Variants in PSD3 observed in about 807,000 individuals in gnomAD.
The protein encoded by PSD3 is PH and SEC7 domain-containing protein 3.
In PSD3, 49 loss-of-function variants were observed where a neutral mutation model predicts 105.5. That is an observed-to-expected ratio of 0.46 (90% CI 0.37 to 0.59). PSD3 has a LOEUF of 0.59. PSD3 is among the 20% of genes least tolerant of loss of function. The pLI, the probability that PSD3 is intolerant of heterozygous loss-of-function variation, is 0.00. For synonymous variants in PSD3, 557 were observed against 457.8 expected, an observed-to-expected ratio of 1.22 and a Z score of -2.77; for missense variants, 1,561 against 1,263.8, an observed-to-expected ratio of 1.24 and a Z score of -3.57.
intron 15 of PSD3, among the ~76,000 whole-genome samples, chr8:18,552,859 G>A (rs1186602337): frequency 1.3e-5 from 2 of 152,134 alleles, no homozygotes; most frequent in Admixed American, 6.5e-5. Context: ...TCAATGAAGA[G>A]AGCCCATTCT....
intron 4 of PSD3, among the ~76,000 whole-genome samples, chr8:18,864,446 A>G (rs1327649357): frequency 1.3e-5 from 2 of 152,380 alleles, no homozygotes; most frequent in Non-Finnish European, 2.9e-5. Context: ...AATTATGTTC[A>G]GAGACTAGCT....
rs554514209 is a variant in PSD3, at chr8:18,580,904, G to A, written c.2482-5619C>T. ...CACTAACGAGCCACCTACACCCGTC[G>A]CTCTTAACCATTCCATCAATCATCT... On this transcript the variant is annotated intron_variant, in intron 12 of 15. Transcript: ENST00000327040. 3.3e-5 allele frequency among the ~76,000 whole-genome samples: 5 copies of A among 152,236 alleles called. No homozygotes were observed. In the East Asian group the frequency reaches 7.7e-4, roughly 24 times the overall value.
chr8:19,081,012 T>C (rs1240175719), intron 1 of PSD3, among the ~76,000 whole-genome samples: 3 of 152,154 alleles, frequency 2.0e-5, no homozygotes, highest in African/African-American at 7.2e-5. Context: ...TTCCTTATCC[T>C]CTTATCTTTA....
At chr8:18,699,488 T>C (rs886687645) in intron 9 of PSD3, among the ~76,000 whole-genome samples, 7 of 152,202 alleles carry the variant, frequency 4.6e-5, no homozygotes, top group Admixed American at 1.3e-4. Context: ...CTTGAGCTTA[T>C]TTTCAGGTTG....
At chr8:18,849,214 A>G (rs554160211) in intron 4 of PSD3, 1 of 152,366 alleles carries the variant, frequency 6.6e-6, no homozygotes, top group South Asian at 2.1e-4. Context: ...TTCCACTTAC[A>G]TTGCAAATGA....
chr8:18,787,242 G>C (rs961595679), intron 8 of PSD3, among the ~76,000 whole-genome samples: 1 of 152,110 alleles, frequency 6.6e-6, no homozygotes, highest in African/African-American at 2.4e-5. Flanking sequence ...ATGTTGACCA[G>C]TTGCATGCCA....
intron 8 of PSD3, among the ~76,000 whole-genome samples, chr8:18,778,648 T>TA (rs1808318744): frequency 6.6e-6 from 1 of 151,950 alleles, no homozygotes; most frequent in African/African-American, 2.4e-5. Flanking sequence ...TGAGTTTTTT[T>TA]ATTATGAAGG....
intron 10 of PSD3, 72 bp downstream of exon 10, chr8:18,655,570 T>G (rs935663864): frequency 4.3e-6 from 6 of 1,382,062 alleles, no homozygotes. Flanking sequence ...CTAAGATCAC[T>G]TCCAAGGCAT....
At chr8:18,619,989 G>C (rs1299339863) in intron 11 of PSD3, among the ~76,000 whole-genome samples, 2 of 152,110 alleles carry the variant, frequency 1.3e-5, no homozygotes, top group Non-Finnish European at 2.9e-5. Flanking sequence ...CACCTCAAAA[G>C]TCTGAAAAGA....
chr8:18,928,697 T>A (rs1399644026), intron 2 of PSD3, among the ~76,000 whole-genome samples: 1 of 152,080 alleles, frequency 6.6e-6, no homozygotes, highest in Non-Finnish European at 1.5e-5. Context: ...TTTTTCTTTT[T>A]ATCTTTCTCT....
intron 12 of PSD3, among the ~76,000 whole-genome samples, chr8:18,576,923 A>C (rs1207126581): frequency 4.0e-5 from 6 of 151,760 alleles, no homozygotes; most frequent in Non-Finnish European, 7.4e-5. Flanking sequence ...TCCATGATTT[A>C]AGCTTTTATC....
intron 12 of PSD3, among the ~76,000 whole-genome samples, 168 bp downstream of exon 12, chr8:18,600,196 C>T (rs1409254008): frequency 6.6e-6 from 1 of 152,182 alleles, no homozygotes; most frequent in South Asian, 2.1e-4. Flanking sequence ...CAACTTAAAA[C>T]TTAAAATCGT....
intron 1 of PSD3, among the ~76,000 whole-genome samples, chr8:19,020,753 C>A (rs1827338067): frequency 6.6e-6 from 1 of 151,990 alleles, no homozygotes; most frequent in Non-Finnish European, 1.5e-5. Context: ...ATTGAGCTCA[C>A]AGAATTTGCT....
chr8:18,846,645 G>C (rs561544908), intron 4 of PSD3, among the ~76,000 whole-genome samples: 11 of 152,268 alleles, frequency 7.2e-5, no homozygotes, highest in African/African-American at 2.6e-4. Context: ...CAAACATCTT[G>C]TGGTAACCTG....
intron 9 of PSD3, among the ~76,000 whole-genome samples, chr8:18,751,285 G>A (rs1256153179): frequency 6.6e-6 from 1 of 152,206 alleles, no homozygotes; most frequent in Non-Finnish European, 1.5e-5. Flanking sequence ...GCTGGCCCGG[G>A]TGCTAAGCCC....
intron 1 of PSD3, among the ~76,000 whole-genome samples, chr8:19,043,958 C>A (rs780984989): frequency 5.6e-4 from 85 of 152,340 alleles, no homozygotes; most frequent in Non-Finnish European, 8.4e-4. Context: ...TTCTGCTCAA[C>A]AAGCTGCTGA....
At chr8:18,549,633 A>G (rs1472651267) in intron 15 of PSD3, among the ~76,000 whole-genome samples, 2 of 152,224 alleles carry the variant, frequency 1.3e-5, no homozygotes, top group Non-Finnish European at 2.9e-5. Context: ...AGACGACAAC[A>G]GAAAGCTCCC....
intron 15 of PSD3, among the ~76,000 whole-genome samples, chr8:18,543,895 A>G (rs564822716): frequency 6.6e-6 from 1 of 152,246 alleles, no homozygotes; most frequent in African/African-American, 2.4e-5. Flanking sequence ...TTATAGAATA[A>G]TATCTCCTTT....
intron 14 of PSD3, among the ~76,000 whole-genome samples, chr8:18,565,662 C>T (rs2130256480): frequency 6.6e-6 from 1 of 152,240 alleles, no homozygotes; most frequent in Non-Finnish European, 1.5e-5. Context: ...CATTTTTATA[C>T]CTGTATTTTG....
Sources: gnomAD v4.1 joint callset for allele counts (sites outside exome capture counted in the v4.1 genomes callset) on GRCh38, gnomAD v4.1.1 for gene constraint, MANE v1.5 for transcripts, NCBI Gene and HGNC (gene_info 2026-07-23, HGNC 2026-07-21) for gene names.